Variants in ALPK3 observed in about 807,000 individuals in gnomAD.
ALPK3 encodes the protein alpha kinase 3, also known as alpha-protein kinase 3.
Under a neutral mutation model 140.0 loss-of-function variants are expected in ALPK3, and 102 were observed. The observed-to-expected ratio is 0.73, with a 90% CI of 0.62 to 0.86. ALPK3 has a LOEUF of 0.86. Ranked by LOEUF, ALPK3 falls within the 40% of genes least tolerant of loss-of-function variation. The pLI, the probability that ALPK3 is intolerant of heterozygous loss-of-function variation, is 0.00. For synonymous variants in ALPK3, 938 were observed against 898.5 expected (o/e 1.04, Z -0.79); for missense variants, 2,254 against 2,208.2 (o/e 1.02, Z -0.42).
intron 2 of ALPK3, among the ~76,000 whole-genome samples, chr15:84,826,879 C>A (rs1009625693): frequency 1.1e-4 from 16 of 152,168 alleles, no homozygotes; most frequent in African/African-American, 3.9e-4. Flanking sequence ...CTTTCTGATA[C>A]CCTTATGAAT....
At chr15:84,836,945 A>G (rs1416322748) in intron 3 of ALPK3, among the ~76,000 whole-genome samples, 1 of 152,184 alleles carries the variant, frequency 6.6e-6, no homozygotes, top group Non-Finnish European at 1.5e-5. Flanking sequence ...GAGCAGCCAG[A>G]AAGAGCGGTG....
chr15:84,840,686 C>T lies in ALPK3; in HGVS notation c.1407C>T (p.Ser469=), dbSNP rs1004733773. 4 of 1,605,566 alleles carry T rather than the reference C, an allele frequency of 2.5e-6. No individual in the cohort carries two copies. The African/African-American group carries it at 5.4e-5, about 21-fold the overall frequency. The change falls in exon 5 of 14, where the codon TCC becomes TCT. Residue 469 remains serine, a synonymous_variant. Coordinates refer to ENST00000258888, the MANE Select transcript of ALPK3 (RefSeq NM_020778.5). ...GCGCTCCTGGCCAGCCCACACACTCCTTGACCCCCCAGCCGACTAGGCCTT... is the reference window on the plus strand; with the variant it reads ...GCGCTCCTGGCCAGCCCACACACTCTTTGACCCCCCAGCCGACTAGGCCTT... The part of the protein sequence containing the change: ...VPGAPGQPTH[S]LTPQPTRPFN...
intron 13 of ALPK3, 127 bp downstream of exon 13, chr15:84,867,492 G>A: frequency 9.4e-7 from 1 of 1,066,624 alleles, no homozygotes; most frequent in African/African-American, 1.6e-5. Flanking sequence ...ACACACCCAT[G>A]GCCATGTGGT....
chr15:84,868,329 C>T lies in ALPK3; in HGVS notation c.4991C>T (p.Pro1664Leu). 6.2e-7 allele frequency: 1 copy of T among 1,614,154 alleles called. No individual in the cohort carries two copies. The change falls in exon 14 of 14, where the codon CCT (proline) becomes CTT (leucine). Residue 1664 changes from proline (P) to leucine (L), a missense_variant. Around this residue, in one of 3 missense-constraint regions of ALPK3, gnomAD observed 158 missense variants for 159.8 expected, o/e 0.99. Transcript: ENST00000258888. ...CCCCAGAAGAAAGGCCTCCCTAGTC[C>T]TCAGGGCACCCGGAAGAGTGCTCCA... ...PQPQKKGLPS[P>L]QGTRKSAPSS... is the part of the protein sequence containing the mutation.
chr15:84,850,909 CACACA>C lies in ALPK3; in HGVS notation c.1654-5482_1654-5478del, dbSNP rs1326861990. On this transcript the variant is annotated intron_variant, in intron 5 of 13. Coordinates refer to ENST00000258888, the MANE Select transcript of ALPK3 (RefSeq NM_020778.5). ...ACACACACACACACACACACACACA[CACACA>C]CCCTCTGTCATAATGTTTAGTTAGA... is the stretch of plus-strand genomic sequence containing the variant. 3.0e-3 allele frequency among the ~76,000 whole-genome samples: 455 copies of C among 152,036 alleles called. 1 individual carries two copies. Among genetic ancestry groups the C allele is most frequent in the African/African-American group, 0.01 (424 of 41,458 alleles).
At chr15:84,859,211 G>A (rs761796860) in intron 6 of ALPK3, 32 bp from the exon 7 acceptor site, 2 of 1,613,030 alleles carry the variant, frequency 1.2e-6, no homozygotes, top group South Asian at 1.1e-5. Flanking sequence ...AGGAGAGGTG[G>A]TGTTCCCCTC....
intron 5 of ALPK3, among the ~76,000 whole-genome samples, chr15:84,842,506 G>A (rs1479897469): frequency 6.6e-6 from 1 of 152,176 alleles, no homozygotes; most frequent in African/African-American, 2.4e-5. Context: ...CAGAGGACAG[G>A]TGGTTTCTCG....
chr15:84,819,628 G>A (rs928005165), intron 1 of ALPK3, among the ~76,000 whole-genome samples: 1 of 152,196 alleles, frequency 6.6e-6, no homozygotes, highest in African/African-American at 2.4e-5. Context: ...GAGCTCCCTA[G>A]AGATAGGGAG....
In ALPK3 at chr15:84,840,113, G is replaced by A. The variant is rs1297316755; in HGVS notation, c.834G>A (p.Gly278=). Residue 278 remains glycine, a synonymous_variant, in exon 5 of 14, where the codon GGG becomes GGA. Coordinates refer to ENST00000258888, the MANE Select transcript of ALPK3 (RefSeq NM_020778.5). ...SFASGEVTTN[G]EAAPENGEDG... ...CTTCTGGAGAAGTGACCACCAACGG[G>A]GAGGCTGCCCCCGAGAATGGAGAGG... 6.2e-7 allele frequency: 1 copy of A among 1,614,094 alleles called. No homozygotes were observed. Among genetic ancestry groups the A allele is most frequent in the Non-Finnish European group, 8.5e-7 (1 of 1,180,012 alleles).
intron 9 of ALPK3, 58 bp from the exon 10 acceptor site, chr15:84,862,577 C>T (rs1182664493): frequency 4.6e-6 from 7 of 1,534,334 alleles, no homozygotes; most frequent in Non-Finnish European, 5.3e-6. Context: ...TCCCTGTGAG[C>T]CCCACATTGG....
chr15:84,864,820 C>T (rs1335774769), intron 12 of ALPK3, among the ~76,000 whole-genome samples, 155 bp downstream of exon 12: 2 of 152,178 alleles, frequency 1.3e-5, no homozygotes, highest in Admixed American at 1.3e-4. Context: ...AGATTGGACA[C>T]GGAACATTTT....
At chr15:84,823,451 C>T (rs970104409) in intron 2 of ALPK3, 83 bp downstream of exon 2, 3 of 1,484,420 alleles carry the variant, frequency 2.0e-6, no homozygotes, top group Non-Finnish European at 1.9e-6. Flanking sequence ...TCTGCTCGTG[C>T]ACTAACCAGG....
chr15:84,863,574 G>A lies in ALPK3; in HGVS notation c.4433G>A (p.Ser1478Asn). 1 of 1,614,100 alleles carries A rather than the reference G, an allele frequency of 6.2e-7. No homozygotes were observed. Among genetic ancestry groups the A allele is most frequent in the Non-Finnish European group, 8.5e-7 (1 of 1,179,974 alleles). The change falls in exon 11 of 14, where the codon AGT becomes AAT. Residue 1478 changes from serine (S) to asparagine (N), a missense_variant. Around this residue, in one of 3 missense-constraint regions of ALPK3, gnomAD observed 2,088 missense variants for 2,022.9 expected, o/e 1.03. Transcript: ENST00000258888. ...TIQGCKIQNM[S>N]REYCKIFAAE... ...CAGGGGTGCAAGATCCAGAACATGA[G>A]TCGGGAGTACTGCAAAATCTTCGCA...
intron 2 of ALPK3, among the ~76,000 whole-genome samples, chr15:84,826,900 C>A (rs1963494559): frequency 6.6e-6 from 1 of 152,160 alleles, no homozygotes; most frequent in Admixed American, 6.5e-5. Context: ...TAGAGTCCCC[C>A]CTTGGGTCTA....
intron 9 of ALPK3, 91 bp downstream of exon 9, chr15:84,860,163 C>A (rs1263149507): frequency 1.4e-6 from 2 of 1,442,016 alleles, no homozygotes; most frequent in African/African-American, 1.4e-5. Context: ...TGGTCCCAAT[C>A]CACATACTGC....
chr15:84,867,486 A>G, intron 13 of ALPK3, 121 bp downstream of exon 13: 1 of 1,109,768 alleles, frequency 9.0e-7, no homozygotes, highest in Non-Finnish European at 1.4e-6. Context: ...TCCCAGACAC[A>G]CCCATGGCCA....
At chr15:84,835,617 G>A (rs1963590366) in intron 3 of ALPK3, among the ~76,000 whole-genome samples, 1 of 152,206 alleles carries the variant, frequency 6.6e-6, no homozygotes, top group African/African-American at 2.4e-5. Flanking sequence ...AGATAGGCAA[G>A]GAAATAGTCA....
chr15:84,818,051 G>T (rs969106928), intron 1 of ALPK3, among the ~76,000 whole-genome samples: 1 of 152,146 alleles, frequency 6.6e-6, no homozygotes, highest in Non-Finnish European at 1.5e-5. Context: ...AGCTCAGGGT[G>T]GGGAGGTTCT....
chr15:84,855,380 C>CACTGGG (rs1305987264), intron 5 of ALPK3, among the ~76,000 whole-genome samples: 2 of 152,162 alleles, frequency 1.3e-5, no homozygotes, highest in African/African-American at 2.4e-5. Flanking sequence ...CATCTGTTGG[C>CACTGGG]TTTTGGCAGC....
Sources: allele counts gnomAD v4.1 joint callset (sites outside exome capture counted in the v4.1 genomes callset), GRCh38; gene constraint gnomAD v4.1.1; regional missense constraint gnomAD v4.1.1; transcripts MANE v1.5; gene names NCBI Gene and HGNC (gene_info 2026-07-23, HGNC 2026-07-21).